Variants in RYK observed in about 807,000 individuals in gnomAD.
RYK encodes receptor like tyrosine kinase.
In RYK, 21 loss-of-function variants were observed where a neutral mutation model predicts 70.2. The ratio of observed to expected loss-of-function variants is 0.30; its 90% CI spans 0.21 to 0.43. RYK has a LOEUF of 0.43. Ranked by LOEUF, RYK falls within the 20% of genes least tolerant of loss-of-function variation. The pLI is 1.00. For synonymous variants in RYK, 267 were observed against 278.0 expected (o/e 0.96, Z 0.39); for missense variants, 604 against 753.3 (o/e 0.80, Z 2.32).
At position 134,202,894 on chromosome 3, in the gene RYK, C is replaced by T. The variant is rs2014070936; in HGVS notation, c.644-20G>A. 1.2e-6 allele frequency: 2 copies of T among 1,605,166 alleles called. No homozygotes were observed. The highest frequency in any genetic ancestry group is 1.7e-6 in the Non-Finnish European group (2 of 1,176,698). ...GATCATCTGAAATAAAAACAAAAAG[C>T]ACATTTAGCTTTTTAAACAAATATG... On this transcript the variant is annotated intron_variant, in intron 5 of 14. Coordinates refer to ENST00000623711, the MANE Select transcript of RYK (RefSeq NM_002958.4).
chr3:134,226,451 C>G (rs1027735720), intron 1 of RYK, among the ~76,000 whole-genome samples: 1 of 152,140 alleles, frequency 6.6e-6, no homozygotes, highest in East Asian at 1.9e-4. Context: ...TACATAAACT[C>G]TATCAGAAAA....
chr3:134,249,917 G>GTTTTTTTGTTT (rs2015564368), intron 1 of RYK, among the ~76,000 whole-genome samples: 14 of 93,336 alleles, frequency 1.5e-4, no homozygotes, highest in African/African-American at 5.8e-4. Flanking sequence ...TTTCTCTCTC[G>GTTTTTTTGTTT]TTTTTTTTTT....
chr3:134,220,972 A>C lies in RYK; in HGVS notation c.354+1446T>G, dbSNP rs547071412. On this transcript the variant is annotated intron_variant, in intron 2 of 14. Transcript: ENST00000623711. ...CTTCACAGATAGCAATATAGCATAC[A>C]TCCATACAATCTCATATTATAAAAC... Among the ~76,000 whole-genome samples the C allele has an allele frequency of 4.6e-5, 7 of 152,286 alleles. No individual in the cohort carries two copies. In the South Asian group the frequency reaches 1.4e-3, roughly 32 times the overall value.
chr3:134,229,748 A>T (rs1203293792), intron 1 of RYK, among the ~76,000 whole-genome samples: 1 of 152,176 alleles, frequency 6.6e-6, no homozygotes, highest in Non-Finnish European at 1.5e-5. Context: ...AATAAAATGG[A>T]CAAAAGATGT....
chr3:134,206,931 C>T (rs546739849), intron 5 of RYK, among the ~76,000 whole-genome samples: 1 of 151,844 alleles, frequency 6.6e-6, no homozygotes, highest in East Asian at 1.9e-4. Context: ...TAAGATACTG[C>T]TATTAACACT....
intron 1 of RYK, among the ~76,000 whole-genome samples, chr3:134,243,743 T>G (rs1180515261): frequency 6.6e-6 from 1 of 152,174 alleles, no homozygotes; most frequent in Admixed American, 6.5e-5. Flanking sequence ...TGTCTTTTTT[T>G]TCCCTGGGAC....
At chr3:134,188,696 A>C in intron 9 of RYK, 141 bp downstream of exon 9, 1 of 563,190 alleles carries the variant, frequency 1.8e-6, no homozygotes, top group Non-Finnish European at 3.1e-6. Flanking sequence ...CTCATATAAG[A>C]CAATTTTTGT....
intron 1 of RYK, among the ~76,000 whole-genome samples, chr3:134,241,012 C>T (rs1175702252): frequency 6.6e-6 from 1 of 151,984 alleles, no homozygotes; most frequent in East Asian, 1.9e-4. Flanking sequence ...GTGACAAACA[C>T]ATGCATATGC....
chr3:134,172,151 A>T (rs7431604), intron 13 of RYK, among the ~76,000 whole-genome samples: 40,581 of 152,130 alleles, frequency 0.27, 5,983 homozygotes, highest in Non-Finnish European at 0.33. Flanking sequence ...AAAATTTTAA[A>T]TCAACCACTG....
intron 2 of RYK, among the ~76,000 whole-genome samples, chr3:134,219,828 A>T (rs1032799404): frequency 6.6e-6 from 1 of 152,220 alleles, no homozygotes; most frequent in African/African-American, 2.4e-5. Context: ...CACTACCCTC[A>T]CCACACCACA....
intron 13 of RYK, among the ~76,000 whole-genome samples, chr3:134,164,242 TTTTCA>T (rs1311809735): frequency 6.6e-6 from 1 of 152,152 alleles, no homozygotes; most frequent in African/African-American, 2.4e-5. Context: ...GTAAAGACAG[TTTTCA>T]TTTATTTTTA....
intron 1 of RYK, among the ~76,000 whole-genome samples, chr3:134,223,184 T>C (rs187506915): frequency 6.6e-6 from 1 of 152,310 alleles, no homozygotes; most frequent in East Asian, 1.9e-4. Context: ...AAATGCTTGT[T>C]AACCAAGAGG....
At chr3:134,231,764 T>C (rs2015063740) in intron 1 of RYK, among the ~76,000 whole-genome samples, 1 of 152,188 alleles carries the variant, frequency 6.6e-6, no homozygotes, top group African/African-American at 2.4e-5. Context: ...TTCAGATGAC[T>C]GCTTGAGCAC....
chr3:134,193,562 G>A (rs1342563943), intron 7 of RYK, among the ~76,000 whole-genome samples: 1 of 152,288 alleles, frequency 6.6e-6, no homozygotes, highest in East Asian at 1.9e-4. Context: ...TAACAATTAA[G>A]AATCCATTCT....
intron 7 of RYK, among the ~76,000 whole-genome samples, chr3:134,194,672 A>G (rs1431304423): frequency 6.6e-6 from 1 of 152,228 alleles, no homozygotes; most frequent in Non-Finnish European, 1.5e-5. Context: ...TATGATTAAA[A>G]AACAATGTAA....
chr3:134,207,719 T>C (rs2014259122), intron 4 of RYK, among the ~76,000 whole-genome samples, 194 bp from the exon 5 acceptor site: 1 of 152,124 alleles, frequency 6.6e-6, no homozygotes, highest in Non-Finnish European at 1.5e-5. Flanking sequence ...AGCCAAAGGG[T>C]GTTACTTCTA....
chr3:134,159,207 A>C, intron 14 of RYK, 30 bp downstream of exon 14: 1 of 1,611,502 alleles, frequency 6.2e-7, no homozygotes. Flanking sequence ...ATGGAATAAA[A>C]CTCATGCCTT....
intron 2 of RYK, among the ~76,000 whole-genome samples, chr3:134,216,952 A>C (rs947990130): frequency 6.6e-6 from 1 of 152,266 alleles, no homozygotes; most frequent in South Asian, 2.1e-4. Flanking sequence ...GTGAAAAAGA[A>C]GCAATACCAG....
intron 13 of RYK, among the ~76,000 whole-genome samples, chr3:134,174,819 A>C (rs2013040689): frequency 6.6e-6 from 1 of 152,186 alleles, no homozygotes; most frequent in Admixed American, 6.5e-5. Context: ...ACCACCCAGA[A>C]ACTTGACAAA....
Sources: allele counts gnomAD v4.1 joint callset (sites outside exome capture counted in the v4.1 genomes callset), GRCh38; gene constraint gnomAD v4.1.1; transcripts MANE v1.5; gene names NCBI Gene and HGNC (gene_info 2026-07-23, HGNC 2026-07-21).